RAB38: variants seen among roughly 807,000 people sequenced by gnomAD.
The protein encoded by RAB38 is RAB38, member RAS oncogene family.
In RAB38, 15 loss-of-function variants were observed where a neutral mutation model predicts 18.4. That is an observed-to-expected ratio of 0.82 (90% CI 0.55 to 1.26). The LOEUF is 1.26. RAB38 is among the 50% of genes most tolerant of loss of function. RAB38 has a pLI of 0.00. For synonymous variants in RAB38, 101 were observed against 104.4 expected, an observed-to-expected ratio of 0.97 and a Z score of 0.20; for missense variants, 294 against 267.4, an observed-to-expected ratio of 1.10 and a Z score of -0.69.
chr11:87,884,502 A>C, the RAB38 span, among the ~76,000 whole-genome samples: 1 of 151,960 alleles, frequency 6.6e-6, no homozygotes, highest in African/African-American at 2.4e-5. Flanking sequence ...TCCTGAAGAA[A>C]GAATGCTCTG....
chr11:88,123,025 T>C (rs1224384456), intron 2 of RAB38, among the ~76,000 whole-genome samples: 1 of 152,232 alleles, frequency 6.6e-6, no homozygotes, highest in Non-Finnish European at 1.5e-5. Context: ...CATGAGATTC[T>C]TGTTAAACGA....
chr11:87,833,358 A>G, the RAB38 span, among the ~76,000 whole-genome samples: 1 of 152,020 alleles, frequency 6.6e-6, no homozygotes, highest in Admixed American at 6.6e-5. Context: ...CTAGAATTCT[A>G]TGTCCATGGT....
At chr11:88,122,273 T>G (rs189022367) in intron 2 of RAB38, among the ~76,000 whole-genome samples, 7 of 152,372 alleles carry the variant, frequency 4.6e-5, no homozygotes, top group Admixed American at 6.5e-5. Flanking sequence ...TCATAGATAT[T>G]GCCTCTATTA....
At chr11:88,017,668 T>A in the RAB38 span, among the ~76,000 whole-genome samples, 20 of 148,814 alleles carry the variant, frequency 1.3e-4, no homozygotes, top group Non-Finnish European at 2.2e-4. Context: ...GCTCTGTCTC[T>A]ATATGTTACC....
At chr11:88,122,323 A>T (rs1337806432) in intron 2 of RAB38, among the ~76,000 whole-genome samples, 1 of 152,218 alleles carries the variant, frequency 6.6e-6, no homozygotes, top group Non-Finnish European at 1.5e-5. Flanking sequence ...AATTGTTCTC[A>T]CTGTGAGTCT....
the RAB38 span, among the ~76,000 whole-genome samples, chr11:88,049,106 G>C: frequency 1.3e-5 from 2 of 151,788 alleles, no homozygotes; most frequent in Non-Finnish European, 2.9e-5. Flanking sequence ...CCCTAATCCC[G>C]CTTGAAGCAG....
At chr11:88,126,070 T>G (rs1942691328) in intron 2 of RAB38, among the ~76,000 whole-genome samples, 1 of 152,166 alleles carries the variant, frequency 6.6e-6, no homozygotes, top group African/African-American at 2.4e-5. Flanking sequence ...GTTCCATTGG[T>G]CTATATCTCT....
the RAB38 span, among the ~76,000 whole-genome samples, chr11:87,824,137 G>C: frequency 6.6e-6 from 1 of 152,184 alleles, no homozygotes; most frequent in African/African-American, 2.4e-5. Flanking sequence ...CCCCAGCATG[G>C]TGGGAGGGAT....
At chr11:88,060,859 A>C in the RAB38 span, among the ~76,000 whole-genome samples, 1 of 152,176 alleles carries the variant, frequency 6.6e-6, no homozygotes, top group African/African-American at 2.4e-5. Flanking sequence ...ATCTGTTCCA[A>C]AAAGTTCCAA....
At chr11:88,055,893 C>G in the RAB38 span, among the ~76,000 whole-genome samples, 1 of 152,136 alleles carries the variant, frequency 6.6e-6, no homozygotes, top group African/African-American at 2.4e-5. Context: ...AAAGGAGGCC[C>G]TGGTGATCTA....
the RAB38 span, among the ~76,000 whole-genome samples, chr11:88,085,652 C>T: frequency 6.6e-6 from 1 of 151,708 alleles, no homozygotes; most frequent in East Asian, 1.9e-4. Flanking sequence ...AAAAGAAGCC[C>T]ACAGGCTAAA....
At chr11:87,853,846 C>G in the RAB38 span, among the ~76,000 whole-genome samples, 1 of 152,018 alleles carries the variant, frequency 6.6e-6, no homozygotes, top group African/African-American at 2.4e-5. Context: ...TTCACCAGCT[C>G]ATAATCAAGG....
the RAB38 span, among the ~76,000 whole-genome samples, chr11:87,889,856 T>G: frequency 1.8e-3 from 270 of 151,962 alleles, 2 homozygotes; most frequent in African/African-American, 5.9e-3. Context: ...GCAACTAGAA[T>G]GTGTCCTTAA....
the RAB38 span, among the ~76,000 whole-genome samples, chr11:87,922,657 A>G: frequency 6.6e-6 from 1 of 152,026 alleles, no homozygotes; most frequent in African/African-American, 2.4e-5. Flanking sequence ...ACACTGAGCA[A>G]ATTTTCAGTA....
the RAB38 span, among the ~76,000 whole-genome samples, chr11:88,063,785 C>A: frequency 1.3e-5 from 2 of 152,130 alleles, no homozygotes; most frequent in African/African-American, 2.4e-5. Context: ...GTAAGATGTG[C>A]CTTTGCTTCT....
At chr11:88,033,386 A>T in the RAB38 span, among the ~76,000 whole-genome samples, 2 of 152,118 alleles carry the variant, frequency 1.3e-5, no homozygotes, top group Non-Finnish European at 2.9e-5. Flanking sequence ...ATAATAATAA[A>T]AAAAAGAAAA....
the RAB38 span, among the ~76,000 whole-genome samples, chr11:87,881,901 G>C: frequency 1.3e-5 from 2 of 151,860 alleles, no homozygotes; most frequent in Admixed American, 1.3e-4. Flanking sequence ...AATGAGCAAA[G>C]GGCTGGTTGG....
rs980664180 is a variant in RAB38, at chr11:88,173,611, C to T, written c.202+1572G>A. 1.0e-4 allele frequency: 102 copies of T among 985,254 alleles called. No homozygotes were observed. The Admixed American group carries it at 1.3e-3, about 12-fold the overall frequency. 61.0% of individuals were successfully genotyped at this position (985,254 alleles called of 1,614,324 possible). On this transcript the variant is annotated intron_variant, in intron 1 of 2. Transcript: ENST00000243662. ...GAAGTCCAAATTACAGCTACATCCC[C>T]GTTTAAACAGTAAGCCGTTTCTAAA...
chr11:88,084,432 T>C, the RAB38 span, among the ~76,000 whole-genome samples: 181 of 151,790 alleles, frequency 1.2e-3, no homozygotes, highest in African/African-American at 4.2e-3. Context: ...GATAAAATCA[T>C]CCTGAACAGC....
Sources: gnomAD v4.1 joint callset for allele counts (sites outside exome capture counted in the v4.1 genomes callset) on GRCh38, gnomAD v4.1.1 for gene constraint, MANE v1.5 for transcripts, NCBI Gene and HGNC (gene_info 2026-07-23, HGNC 2026-07-21) for gene names.